The following ESYT1 variants were observed in gnomAD, a reference collection of about 807,000 sequenced individuals.
ESYT1 encodes extended synaptotagmin 1, also known as extended synaptotagmin-1.
ESYT1 carries 116 observed loss-of-function variants against 154.2 expected under a neutral mutation model. The ratio of observed to expected loss-of-function variants is 0.75; its 90% CI spans 0.65 to 0.88. The LOEUF (loss-of-function observed/expected upper bound fraction) is 0.88. Among genes scored for constraint, ESYT1 ranks in the 40% least tolerant of loss-of-function variants. The pLI is 0.00. For synonymous variants in ESYT1, 500 were observed against 539.9 expected, an observed-to-expected ratio of 0.93 and a Z score of 1.02; for missense variants, 1,264 against 1,379.3, an observed-to-expected ratio of 0.92 and a Z score of 1.32.
rs1377247791 is a variant in ESYT1, at chr12:56,143,269, A to G, written c.3161A>G (p.Lys1054Arg). ...ELPLDEAQRR[K>R]LDVSVKSNSS... is the part of the protein sequence containing the mutation. ...CCCCTGGATGAGGCCCAGAGACGAA[A>G]GCTGGATGTCTCTGTCAAGTCTAAT... Residue 1054 changes from lysine (K) to arginine (R), a missense_variant, in exon 29 of 31, where the codon AAG (lysine) becomes AGG (arginine). Coordinates refer to ENST00000394048, the MANE Select transcript of ESYT1 (RefSeq NM_015292.3). 2 of 1,614,154 alleles carry G rather than the reference A, an allele frequency of 1.2e-6. No homozygotes were observed. The highest frequency in any genetic ancestry group is 1.7e-5 in the Admixed American group (1 of 60,018).
At chr12:56,134,536 C>T in intron 15 of ESYT1, 108 bp downstream of exon 15, 1 of 869,456 alleles carries the variant, frequency 1.2e-6, no homozygotes, top group East Asian at 2.5e-5. Context: ...TTTAATCCAT[C>T]TACCTAGACT....
intron 1 of ESYT1, chr12:56,129,448 G>A (rs1174582023): frequency 6.5e-6 from 1 of 153,066 alleles, no homozygotes; most frequent in Non-Finnish European, 1.5e-5. Flanking sequence ...CGCGTCTCCT[G>A]TGCTGAGGCG....
intron 7 of ESYT1, among the ~76,000 whole-genome samples, 191 bp from the exon 8 acceptor site, chr12:56,132,018 G>T (rs763101969): frequency 1.3e-5 from 2 of 152,290 alleles, no homozygotes; most frequent in East Asian, 1.9e-4. Context: ...ACTGCAAAAG[G>T]CAATGGGGAT....
At position 56,128,347 on chromosome 12, in the gene ESYT1, A is replaced by T. The variant is rs1300590540; in HGVS notation, c.28A>T (p.Ser10Cys). 6.2e-7 allele frequency: 1 copy of T among 1,611,640 alleles called. No homozygotes were observed. Among genetic ancestry groups the T allele is most frequent in the Non-Finnish European group, 8.5e-7 (1 of 1,179,250 alleles). ...GGAGCGATCTCCAGGAGAGGGCCCC[A>T]GCCCCAGCCCCATGGACCAGCCCTC... MERSPGEGP[S>C]PSPMDQPSAP... The change falls in exon 1 of 31, where the codon AGC becomes TGC. Residue 10 changes from serine (S) to cysteine (C), a missense_variant. Physicochemically the swap from Ser to Cys is moderately radical, Grantham distance 112. Transcript: ENST00000394048.
chr12:56,128,505 G>A lies in ESYT1; in HGVS notation c.186G>A (p.Leu62=), dbSNP rs1870095076. 7 of 1,611,680 alleles carry A rather than the reference G, an allele frequency of 4.3e-6. No individual in the cohort carries two copies. Among genetic ancestry groups the A allele is most frequent in the Admixed American group, 1.7e-5 (1 of 59,550 alleles). ...LAVLTSFGRR[L]LVLIPVYLAG... is the part of the protein sequence containing the mutation. Reference sequence around the variant, plus strand: ...TGCTGACTTCATTCGGGAGGCGGTTGCTGGTGCTGATACCTGTGTATTTGG... The same window carrying A: ...TGCTGACTTCATTCGGGAGGCGGTTACTGGTGCTGATACCTGTGTATTTGG... Residue 62 remains leucine, a synonymous_variant, in exon 1 of 31, where the codon TTG becomes TTA. Coordinates refer to ENST00000394048, the MANE Select transcript of ESYT1 (RefSeq NM_015292.3).
chr12:56,130,414 CA>C, intron 1 of ESYT1, 167 bp from the exon 2 acceptor site: 6 of 754,680 alleles, frequency 8.0e-6, no homozygotes, highest in Non-Finnish European at 1.4e-5. Context: ...CATCAGCCCC[CA>C]AACTCTGTGA....
chr12:56,136,688 G>T lies in ESYT1; in HGVS notation c.1633-56G>T, dbSNP rs138854446. 80 of 1,484,156 alleles carry T rather than the reference G, an allele frequency of 5.4e-5. No individual in the cohort carries two copies. The African/African-American group carries it at 1.1e-3, about 20-fold the overall frequency. 91.9% of individuals were successfully genotyped at this position (1,484,156 alleles called of 1,614,324 possible). A position where few individuals can be genotyped will look rare whatever the true frequency, so the allele number is the denominator to read the frequency against. On this transcript the variant is annotated intron_variant, in intron 15 of 30. Coordinates refer to ENST00000394048, the MANE Select transcript of ESYT1 (RefSeq NM_015292.3). ...TTGGAGCCATGTTATCATTTTCACAGTATGCCTCCCTTTCCCCTAATCCCT... is the reference window on the plus strand; with the variant it reads ...TTGGAGCCATGTTATCATTTTCACATTATGCCTCCCTTTCCCCTAATCCCT...
In ESYT1 at chr12:56,144,345, C is replaced by T; in HGVS notation, c.*483C>T. 9.9e-7 allele frequency: 1 copy of T among 1,011,510 alleles called. No individual in the cohort carries two copies. The highest frequency in any genetic ancestry group is 1.2e-6 in the Non-Finnish European group (1 of 844,538). The allele number at this position is 1,011,510 out of a possible 1,614,324, so 62.7% of individuals were successfully genotyped here. A position where few individuals can be genotyped will look rare whatever the true frequency, so the allele number is the denominator to read the frequency against. On this transcript the variant is annotated 3_prime_UTR_variant, in exon 31 of 31. Transcript: ENST00000394048. ...ACTGCATGTAGCAAATGTTCAGCAGCTCAGGCCCCCATGTCCAGTTCTGTC... is the reference window on the plus strand; with the variant it reads ...ACTGCATGTAGCAAATGTTCAGCAGTTCAGGCCCCCATGTCCAGTTCTGTC...
At position 56,136,948 on chromosome 12, in the gene ESYT1, G is replaced by A. The variant is rs553848907; in HGVS notation, c.1782+55G>A. ...GGGGGAAAGGCCTGTTGATTCTTTGGTATTAAGAGTAAGGAAAGGGACCCC... is the reference window on the plus strand; with the variant it reads ...GGGGGAAAGGCCTGTTGATTCTTTGATATTAAGAGTAAGGAAAGGGACCCC... On this transcript the variant is annotated intron_variant, in intron 16 of 30. Coordinates refer to ENST00000394048, the MANE Select transcript of ESYT1 (RefSeq NM_015292.3). The A allele has an allele frequency of 4.8e-5, 73 of 1,527,526 alleles. 2 individuals carry two copies. The Middle Eastern group carries it at 1.1e-3, about 22-fold the overall frequency. The allele number at this position is 1,527,526 out of a possible 1,614,324, so 94.6% of individuals were successfully genotyped here. A position where few individuals can be genotyped will look rare whatever the true frequency, so the allele number is the denominator to read the frequency against.
intron 6 of ESYT1, 91 bp from the exon 7 acceptor site, chr12:56,131,658 C>A: frequency 6.2e-7 from 1 of 1,603,308 alleles, no homozygotes; most frequent in Non-Finnish European, 8.5e-7. Context: ...GAGAAGGGAA[C>A]TGACAAGAAG....
rs1484376414 is a variant in ESYT1, at chr12:56,143,326, T to G, written c.3218T>G (p.Leu1073Arg). ...SSFMSREREL[L>R]GKVQLDLAET... ...TTCATGTCAAGAGAGCGTGAGCTGC[T>G]GGGGAAGGTAAGAGGGCAGGATGGC... is the stretch of plus-strand genomic sequence containing the variant. The change falls in exon 29 of 31, where the codon CTG becomes CGG. Residue 1073 changes from leucine (L) to arginine (R), a missense_variant. Transcript: ENST00000394048. 6.2e-7 allele frequency: 1 copy of G among 1,613,954 alleles called. No homozygotes were observed.
In ESYT1 at chr12:56,141,600, T is replaced by C. The variant is rs377196439; in HGVS notation, c.2593-685T>C. ...TTAAAAATACAAAAAATTAGCCGGG[T>C]GTGGTGGCGGACACCTGTAGTCCCA... On this transcript the variant is annotated intron_variant, in intron 24 of 30. Transcript: ENST00000394048. 4.8e-3 allele frequency among the ~76,000 whole-genome samples: 729 copies of C among 152,054 alleles called. 6 individuals are homozygous for C. Among genetic ancestry groups the C allele is most frequent in the Middle Eastern group, 0.027 (8 of 294 alleles).
At position 56,134,332 on chromosome 12, in the gene ESYT1, A is replaced by G. The variant is rs777652109; in HGVS notation, c.1546-10A>G. On this transcript the variant is annotated splice_polypyrimidine_tract_variant and intron_variant, in intron 14 of 30. Coordinates refer to ENST00000394048, the MANE Select transcript of ESYT1 (RefSeq NM_015292.3). ...GGTATACACCCTTAATCCCTCCTCT[A>G]CATCTCCAGGCTGTCTACAGTACCA... The G allele has an allele frequency of 4.3e-6, 7 of 1,613,676 alleles. No individual in the cohort carries two copies. The highest frequency in any genetic ancestry group is 2.2e-5 in the South Asian group (2 of 91,064).
At chr12:56,129,781 A>AC (rs921288790) in intron 1 of ESYT1, among the ~76,000 whole-genome samples, 56 of 151,660 alleles carry the variant, frequency 3.7e-4, no homozygotes, top group Admixed American at 1.9e-3. Flanking sequence ...ACACACACAC[A>AC]CCCCAAAAAA....
At chr12:56,133,275 G>T in intron 10 of ESYT1, 142 bp from the exon 11 acceptor site, 1 of 840,636 alleles carries the variant, frequency 1.2e-6, no homozygotes, top group Non-Finnish European at 2.0e-6. Context: ...ACGCATGCAG[G>T]TGAATATCTT....
At chr12:56,139,055 C>T in intron 24 of ESYT1, 42 bp downstream of exon 24, 3 of 1,488,470 alleles carry the variant, frequency 2.0e-6, no homozygotes, top group Non-Finnish European at 2.8e-6. Flanking sequence ...AGATTTCTGC[C>T]ATGGCCAGGC....
At chr12:56,137,184 C>T (rs766313973) in intron 16 of ESYT1, 34 bp from the exon 17 acceptor site, 15 of 1,612,570 alleles carry the variant, frequency 9.3e-6, no homozygotes, top group Non-Finnish European at 1.2e-5. Flanking sequence ...ACGAGCTGCA[C>T]TTCTTTGATT....
chr12:56,141,900 A>T (rs2136886024), intron 24 of ESYT1, among the ~76,000 whole-genome samples: 1 of 152,060 alleles, frequency 6.6e-6, no homozygotes, highest in South Asian at 2.1e-4. Context: ...GGAGTTTGAG[A>T]CCAGCCTGAC....
rs959870836 is a variant in ESYT1, at chr12:56,143,292, A to G, written c.3184A>G (p.Asn1062Asp). ...RRKLDVSVKS[N>D]SSFMSREREL... ...AAAGCTGGATGTCTCTGTCAAGTCT[A>G]ATTCCTCCTTCATGTCAAGAGAGCG... is the stretch of plus-strand genomic sequence containing the variant. The change falls in exon 29 of 31, where the codon AAT (asparagine) becomes GAT (aspartate). Residue 1062 changes from asparagine (N) to aspartate (D), a missense_variant. By Grantham distance (23) the Asn-to-Asp change is conservative. Coordinates refer to ENST00000394048, the MANE Select transcript of ESYT1 (RefSeq NM_015292.3). The G allele has an allele frequency of 1.2e-6, 2 of 1,614,016 alleles. No individual in the cohort carries two copies. Among genetic ancestry groups the G allele is most frequent in the African/African-American group, 1.3e-5 (1 of 74,906 alleles).
Sources: gnomAD v4.1 joint callset for allele counts (sites outside exome capture counted in the v4.1 genomes callset) on GRCh38, gnomAD v4.1.1 for gene constraint, MANE v1.5 for transcripts, NCBI Gene and HGNC (gene_info 2026-07-23, HGNC 2026-07-21) for gene names.